Variants in PLBD1 observed in about 807,000 individuals in gnomAD.
The protein encoded by PLBD1 is lysosomal leucine aminopeptidase.
In PLBD1, 60 loss-of-function variants were observed where a neutral mutation model predicts 63.0. The observed-to-expected ratio is 0.95, with a 90% CI of 0.77 to 1.18. PLBD1 has a LOEUF of 1.18. Among genes scored for constraint, PLBD1 ranks in the 50% most tolerant of loss-of-function variants. PLBD1 has a pLI of 0.00. For missense variants in PLBD1, 598 were observed against 677.9 expected (o/e 0.88, Z 1.31); for synonymous variants, 262 against 248.0 (o/e 1.06, Z -0.53).
intron 1 of PLBD1, among the ~76,000 whole-genome samples, chr12:14,563,758 A>G (rs1382728254): frequency 7.1e-6 from 1 of 140,654 alleles, no homozygotes; most frequent in Non-Finnish European, 1.6e-5. Flanking sequence ...ATAACTGACT[A>G]AAGGTCACAT....
intron 6 of PLBD1, among the ~76,000 whole-genome samples, chr12:14,516,124 TTTG>T (rs1468594611): frequency 6.7e-6 from 1 of 149,966 alleles, no homozygotes; most frequent in African/African-American, 2.5e-5. Context: ...AGGTCAGGAG[TTTG>T]AGACCAGCCT....
intron 1 of PLBD1, among the ~76,000 whole-genome samples, chr12:14,563,555 G>A (rs1447683891): frequency 6.6e-6 from 1 of 151,976 alleles, no homozygotes; most frequent in Admixed American, 6.6e-5. Flanking sequence ...CAAAGCACAT[G>A]GATTATCATC....
At position 14,507,042 on chromosome 12, in the gene PLBD1, C is replaced by T; in HGVS notation, c.1263G>A (p.Lys421=). The T allele has an allele frequency of 5.0e-6, 8 of 1,613,926 alleles. No individual in the cohort carries two copies. Among genetic ancestry groups the T allele is most frequent in the Non-Finnish European group, 5.9e-6 (7 of 1,179,860 alleles). The change falls in exon 9 of 11, where the codon AAG becomes AAA. Residue 421 remains lysine (K), a synonymous_variant. Coordinates refer to ENST00000240617, the MANE Select transcript of PLBD1 (RefSeq NM_024829.6). ...AATCATAAGAGTAGTCCAAGCCCAG[C>T]TTCTGAACTAACAGTGGATAGCCAC... ...NWSGYPLLVQ[K]LGLDYSYDLA... is the part of the protein sequence containing the mutation.
At chr12:14,547,602 G>T (rs1203595130) in intron 2 of PLBD1, among the ~76,000 whole-genome samples, 1 of 152,190 alleles carries the variant, frequency 6.6e-6, no homozygotes, top group Non-Finnish European at 1.5e-5. Context: ...CCTGCAGTGT[G>T]TAAAGTCAGT....
chr12:14,531,886 T>G (rs1266693451), intron 6 of PLBD1, among the ~76,000 whole-genome samples: 2 of 152,216 alleles, frequency 1.3e-5, no homozygotes, highest in African/African-American at 4.8e-5. Context: ...CACCCTGGCC[T>G]CCTAAATTGC....
intron 6 of PLBD1, among the ~76,000 whole-genome samples, chr12:14,514,132 T>C (rs923388154): frequency 1.3e-5 from 2 of 152,140 alleles, no homozygotes; most frequent in African/African-American, 4.8e-5. Flanking sequence ...ATAGAGAGCT[T>C]TGTGTAAATT....
chr12:14,517,264 G>C (rs1410421034), intron 6 of PLBD1, among the ~76,000 whole-genome samples: 4 of 152,068 alleles, frequency 2.6e-5, no homozygotes, highest in Admixed American at 1.3e-4. Context: ...CTCCCACCAG[G>C]CCTCCTGAGT....
At chr12:14,551,191 C>T (rs556453454) in intron 2 of PLBD1, among the ~76,000 whole-genome samples, 4 of 152,152 alleles carry the variant, frequency 2.6e-5, no homozygotes, top group Admixed American at 2.6e-4. Flanking sequence ...GGTGAAACCC[C>T]ATCCCTACTA....
chr12:14,567,769 G>A lies in PLBD1; in HGVS notation c.-73C>T, dbSNP rs1592014783. The A allele has an allele frequency of 1.7e-5, 23 of 1,380,442 alleles. No homozygotes were observed. Among genetic ancestry groups the A allele is most frequent in the Non-Finnish European group, 2.0e-5 (22 of 1,078,552 alleles). 85.5% of individuals were successfully genotyped at this position (1,380,442 alleles called of 1,614,324 possible). On this transcript the variant is annotated 5_prime_UTR_variant, in exon 1 of 11. Transcript: ENST00000240617. Reference sequence around the variant, plus strand: ...GCCCGCGGTGGCAGAAGTTGCAAGAGAGGCTCCTGGCCTACTCAGGGGCGC... The same window carrying A: ...GCCCGCGGTGGCAGAAGTTGCAAGAAAGGCTCCTGGCCTACTCAGGGGCGC...
intron 10 of PLBD1, among the ~76,000 whole-genome samples, chr12:14,505,007 A>C (rs1397565845): frequency 6.6e-6 from 1 of 152,156 alleles, no homozygotes; most frequent in Non-Finnish European, 1.5e-5. Flanking sequence ...GATAGATACA[A>C]ACTTCACACA....
intron 1 of PLBD1, among the ~76,000 whole-genome samples, chr12:14,556,279 T>C (rs1468242444): frequency 1.3e-5 from 2 of 152,186 alleles, no homozygotes; most frequent in African/African-American, 2.4e-5. Flanking sequence ...TTTAGACATA[T>C]TGAGTTTTTA....
In PLBD1 at chr12:14,567,711, G is replaced by A. The variant is rs1945806477; in HGVS notation, c.-15C>T. 1 of 1,417,530 alleles carries A rather than the reference G, an allele frequency of 7.1e-7. No homozygotes were observed. Among genetic ancestry groups the A allele is most frequent in the Middle Eastern group, 2.5e-4 (1 of 3,990 alleles). 87.8% of individuals were successfully genotyped at this position (1,417,530 alleles called of 1,614,324 possible). A position where few individuals can be genotyped will look rare whatever the true frequency, so the allele number is the denominator to read the frequency against. On this transcript the variant is annotated 5_prime_UTR_variant, in exon 1 of 11. Coordinates refer to ENST00000240617, the MANE Select transcript of PLBD1 (RefSeq NM_024829.6). ...CCGCGGGTCATCGCTCCACGGCCGC[G>A]ACCTTCCTCTGCGGGATCAGGCGGC...
At chr12:14,517,321 A>AT (rs1446199042) in intron 6 of PLBD1, among the ~76,000 whole-genome samples, 4 of 151,878 alleles carry the variant, frequency 2.6e-5, no homozygotes, top group Non-Finnish European at 4.4e-5. Context: ...AAATTTTTTA[A>AT]TTTTTTGTAG....
intron 4 of PLBD1, among the ~76,000 whole-genome samples, chr12:14,537,822 A>C (rs1945531855): frequency 6.6e-6 from 1 of 152,130 alleles, no homozygotes; most frequent in African/African-American, 2.4e-5. Context: ...TGTTTGAATA[A>C]ATTATTCATT....
intron 4 of PLBD1, among the ~76,000 whole-genome samples, chr12:14,538,077 T>C (rs1016356521): frequency 4.6e-5 from 7 of 152,134 alleles, no homozygotes; most frequent in African/African-American, 1.7e-4. Context: ...GTGTGTCATA[T>C]GTGCTGTTGT....
intron 1 of PLBD1, among the ~76,000 whole-genome samples, chr12:14,559,121 C>A (rs539405833): frequency 6.6e-6 from 1 of 152,268 alleles, no homozygotes; most frequent in African/African-American, 2.4e-5. Context: ...AAAACATCTT[C>A]ATGATGGGAG....
At chr12:14,548,929 T>G (rs1945636576) in intron 2 of PLBD1, among the ~76,000 whole-genome samples, 1 of 152,224 alleles carries the variant, frequency 6.6e-6, no homozygotes, top group African/African-American at 2.4e-5. Flanking sequence ...CCCCATACCC[T>G]TATCACCATG....
Position 14,503,787 on chromosome 12 carries a change from T to A in PLBD1, c.1647A>T (p.Lys549Asn). 1 of 1,613,072 alleles carries A rather than the reference T, an allele frequency of 6.2e-7. No homozygotes were observed. Among genetic ancestry groups the A allele is most frequent in the Non-Finnish European group, 8.5e-7 (1 of 1,179,114 alleles). ...FDFITMKPIL[K>N]LDIK ...TCTCCCTCCTTCATTTTATATCAAGTTTCAAAATTGGTTTCATGGTAATAA... is the reference window on the plus strand; with the variant it reads ...TCTCCCTCCTTCATTTTATATCAAGATTCAAAATTGGTTTCATGGTAATAA... The change falls in exon 11 of 11, where the codon AAA becomes AAT. Residue 549 changes from lysine to asparagine, a missense_variant. Coordinates refer to ENST00000240617, the MANE Select transcript of PLBD1 (RefSeq NM_024829.6).
chr12:14,525,001 G>A (rs576266144), intron 6 of PLBD1, among the ~76,000 whole-genome samples: 65 of 152,194 alleles, frequency 4.3e-4, no homozygotes, highest in Admixed American at 1.4e-3. Context: ...GGTGGCTCAC[G>A]CCTGTAATCC....
Sources: gnomAD v4.1 joint callset for allele counts (sites outside exome capture counted in the v4.1 genomes callset) on GRCh38, gnomAD v4.1.1 for gene constraint, MANE v1.5 for transcripts, NCBI Gene and HGNC (gene_info 2026-07-23, HGNC 2026-07-21) for gene names.